The following CARD8 variants were observed in gnomAD, a reference collection of about 807,000 sequenced individuals.
CARD8 encodes caspase recruitment domain-containing protein 8.
Under a neutral mutation model 53.2 loss-of-function variants are expected in CARD8, and 38 were observed. The ratio of observed to expected loss-of-function variants is 0.71; its 90% CI spans 0.55 to 0.94. The LOEUF (loss-of-function observed/expected upper bound fraction) is 0.94. CARD8 is among the 40% of genes least tolerant of loss of function. CARD8 has a pLI of 0.00. For synonymous variants in CARD8, 245 were observed against 244.9 expected, an observed-to-expected ratio of 1.00 and a Z score of 0.00; for missense variants, 561 against 655.5, an observed-to-expected ratio of 0.86 and a Z score of 1.57.
intron 12 of CARD8, among the ~76,000 whole-genome samples, chr19:48,215,721 T>C (rs1284721211): frequency 6.6e-6 from 1 of 152,126 alleles, no homozygotes; most frequent in Non-Finnish European, 1.5e-5. Flanking sequence ...ATTACATGAG[T>C]TAATTAAAAC....
Position 48,215,395 on chromosome 19 carries a change from G to C in CARD8, c.1304-11C>G, listed in dbSNP as rs753829233. 3.8e-6 allele frequency: 6 copies of C among 1,598,502 alleles called. No individual in the cohort carries two copies. In the South Asian group the frequency reaches 6.6e-5, roughly 18 times the overall value. The stretch of plus-strand genomic sequence containing the variant: ...CAAGCTGGAGATCCACTACAAAAGA[G>C]GGAAAAATTATATGATGAGATGAGA... On this transcript the variant is annotated splice_polypyrimidine_tract_variant and intron_variant, in intron 12 of 13. Coordinates refer to ENST00000651546, the MANE Select transcript of CARD8 (RefSeq NM_001184900.3).
intron 4 of CARD8, among the ~76,000 whole-genome samples, chr19:48,239,397 G>C (rs1286510049): frequency 1.3e-5 from 2 of 151,924 alleles, no homozygotes; most frequent in East Asian, 3.8e-4. Flanking sequence ...GAAACACTGG[G>C]TTCCCAAAGC....
At chr19:48,229,064 G>A (rs528721051) in intron 10 of CARD8, among the ~76,000 whole-genome samples, 42 of 152,126 alleles carry the variant, frequency 2.8e-4, no homozygotes, top group Non-Finnish European at 4.9e-4. Flanking sequence ...GCTTGAACCC[G>A]GGAGGCGGAG....
At chr19:48,255,051 T>C (rs1241657723) in intron 1 of CARD8, among the ~76,000 whole-genome samples, 1 of 152,150 alleles carries the variant, frequency 6.6e-6, no homozygotes, top group African/African-American at 2.4e-5. Context: ...CTATTCCCAA[T>C]TGCAATGCTC....
intron 12 of CARD8, among the ~76,000 whole-genome samples, chr19:48,216,200 A>G (rs925785934): frequency 6.6e-6 from 1 of 152,262 alleles, no homozygotes; most frequent in Non-Finnish European, 1.5e-5. Context: ...AAAAGTAAAC[A>G]ATGTAAAAAT....
At chr19:48,244,805 T>TTTTTG (rs972119349) in intron 3 of CARD8, among the ~76,000 whole-genome samples, 1 of 152,268 alleles carries the variant, frequency 6.6e-6, no homozygotes, top group Middle Eastern at 3.4e-3. Flanking sequence ...AAGTTGTTGT[T>TTTTTG]TTTTGTTTTG....
chr19:48,226,842 G>A (rs747674351), intron 10 of CARD8, among the ~76,000 whole-genome samples: 7 of 152,186 alleles, frequency 4.6e-5, no homozygotes, highest in East Asian at 1.9e-4. Context: ...AATCGAGGCC[G>A]AGGGGGGCAG....
chr19:48,206,047 G>A (rs534253644), downstream of CARD8, among the ~76,000 whole-genome samples: 7 of 151,954 alleles, frequency 4.6e-5, no homozygotes, highest in South Asian at 1.0e-3. Flanking sequence ...ACGGGTGTGC[G>A]CCACCATGCC....
Position 48,238,396 on chromosome 19 carries a change from C to T in CARD8, c.196G>A (p.Val66Met), listed in dbSNP as rs370588632. The change falls in exon 5 of 14, where the codon GTG becomes ATG. Residue 66 changes from valine to methionine, a missense_variant. By Grantham distance (21) the Val-to-Met change is conservative (BLOSUM62 1). Transcript: ENST00000651546. ...GATGTCCCTTACGTATCATTTGTCA[C>T]ACAGGCCTCAGCCTGAAAAAAAATT... is the stretch of plus-strand genomic sequence containing the variant. ...TGIFFQAEAC[V>M]TNDTVYRELP... 3.9e-6 allele frequency: 6 copies of T among 1,535,908 alleles called. No individual in the cohort carries two copies. The South Asian group carries it at 6.0e-5, about 15-fold the overall frequency.
At position 48,211,671 on chromosome 19, in the gene CARD8, C is replaced by A; in HGVS notation, c.*39G>T. On this transcript the variant is annotated 3_prime_UTR_variant, in exon 14 of 14. Transcript: ENST00000651546. ...TCTGTTTATCCATTTCCAATGAGAA[C>A]GCTGGATTCTCTCTTCCAGACTACC... 1 of 1,583,558 alleles carries A rather than the reference C, an allele frequency of 6.3e-7. No homozygotes were observed. The highest frequency in any genetic ancestry group is 1.1e-5 in the South Asian group (1 of 88,332).
downstream of CARD8, among the ~76,000 whole-genome samples, chr19:48,207,592 T>C (rs368564617): frequency 6.6e-6 from 1 of 152,160 alleles, no homozygotes. Context: ...CTCATAACGT[T>C]TGCCCATTTT....
Position 48,211,730 on chromosome 19 carries a change from G to A in CARD8, c.1594C>T (p.Leu532Phe). Residue 532 changes from leucine (L) to phenylalanine (F), a missense_variant, in exon 14 of 14, where the codon CTT becomes TTT. Transcript: ENST00000651546. Reference protein sequence around the residue: ...SERDPYLVSYLRQQNL With the variant: ...SERDPYLVSYFRQQNL Reference sequence around the variant, plus strand: ...TCATTTTACAAATTCTGCTGTCTAAGATAGGACACGAGGTAAGGGTCCCTT... The same window carrying A: ...TCATTTTACAAATTCTGCTGTCTAAAATAGGACACGAGGTAAGGGTCCCTT... 1.2e-6 allele frequency: 2 copies of A among 1,614,074 alleles called. No individual in the cohort carries two copies. Among genetic ancestry groups the A allele is most frequent in the Non-Finnish European group, 1.7e-6 (2 of 1,179,988 alleles).
chr19:48,221,002 G>GAA (rs1491534367), intron 11 of CARD8, among the ~76,000 whole-genome samples: 6 of 106,186 alleles, frequency 5.7e-5, no homozygotes, highest in Non-Finnish European at 1.1e-4. Flanking sequence ...AGGAAAGAAA[G>GAA]AAAGAAAAAG....
chr19:48,230,789 T>G lies in CARD8; in HGVS notation c.760A>C (p.Ile254Leu). 1 of 1,613,768 alleles carries G rather than the reference T, an allele frequency of 6.2e-7. No homozygotes were observed. The highest frequency in any genetic ancestry group is 8.5e-7 in the Non-Finnish European group (1 of 1,179,834). ...CACCCCACATTACCTTGGAGGGAGA[T>G]GAAGTGGGGGAGGTGGATTTCGGCG... is the stretch of plus-strand genomic sequence containing the variant. The part of the protein sequence containing the change: ...AVAEIHLPHF[I>L]SLQAGEVDVS... Residue 254 changes from isoleucine to leucine, a missense_variant, in exon 9 of 14, where the codon ATC becomes CTC. By Grantham distance (5) the Ile-to-Leu change is conservative (BLOSUM62 2). Transcript: ENST00000651546.
chr19:48,219,060 C>A, intron 11 of CARD8, 48 bp from the exon 12 acceptor site: 2 of 1,593,250 alleles, frequency 1.3e-6, no homozygotes, highest in Non-Finnish European at 1.7e-6. Flanking sequence ...GGTGGAAAGG[C>A]CCGGCTCCCT....
chr19:48,204,283 G>A (rs550885097), downstream of CARD8: 2 of 435,938 alleles, frequency 4.6e-6, no homozygotes, highest in African/African-American at 2.0e-5. Flanking sequence ...CCTCGCGGGA[G>A]AAATTAGACT....
At chr19:48,244,642 A>G (rs2045805956) in intron 3 of CARD8, among the ~76,000 whole-genome samples, 1 of 152,238 alleles carries the variant, frequency 6.6e-6, no homozygotes, top group Non-Finnish European at 1.5e-5. Flanking sequence ...AATGTGACAG[A>G]GTACAGAAAT....
At chr19:48,228,616 T>C (rs1013121393) in intron 10 of CARD8, among the ~76,000 whole-genome samples, 4 of 152,056 alleles carry the variant, frequency 2.6e-5, no homozygotes, top group Admixed American at 1.3e-4. Context: ...GATCCATTCA[T>C]TGAGAAGCAT....
intron 6 of CARD8, chr19:48,233,465 C>A (rs1430096476): frequency 2.2e-6 from 1 of 454,528 alleles, no homozygotes; most frequent in Non-Finnish European, 4.4e-6. Flanking sequence ...ATTCTGTGGG[C>A]AAGCCAAGCA....
Sources: allele counts gnomAD v4.1 joint callset (sites outside exome capture counted in the v4.1 genomes callset), GRCh38; gene constraint gnomAD v4.1.1; transcripts MANE v1.5; gene names NCBI Gene and HGNC (gene_info 2026-07-23, HGNC 2026-07-21).